The following MGMT variants were observed in gnomAD, a reference collection of about 807,000 sequenced individuals.
MGMT encodes O-6-methylguanine-DNA methyltransferase, also known as methylated-DNA--protein-cysteine methyltransferase.
Under a neutral mutation model 15.9 loss-of-function variants are expected in MGMT, and 14 were observed. That is an observed-to-expected ratio of 0.88 (90% CI 0.58 to 1.37). The LOEUF (loss-of-function observed/expected upper bound fraction) is 1.37, where lower values mean the gene tolerates loss of function less well. Ranked by LOEUF, MGMT falls within the 40% of genes most tolerant of loss-of-function variation. The pLI, the probability that MGMT is intolerant of heterozygous loss-of-function variation, is 0.00. For missense variants in MGMT, 282 were observed against 268.1 expected (o/e 1.05, Z -0.36); for synonymous variants, 130 against 118.2 (o/e 1.10, Z -0.65).
rs186122308 is a variant in MGMT at position 129,714,204 on chromosome 10, A to G, written c.274+6161A>G. On this transcript the variant is annotated intron_variant, in intron 3 of 4. Coordinates refer to ENST00000651593, the MANE Select transcript of MGMT (RefSeq NM_002412.5). ...GACTGCCTGGCCAGGCCAGCCCAGT[A>G]ACAGCGAAGCACACCACTCTCAGCT... 3.1e-3 allele frequency among the ~76,000 whole-genome samples: 473 copies of G among 152,294 alleles called. 1 individual carries two copies. The highest frequency in any genetic ancestry group is 5.1e-3 in the Non-Finnish European group (349 of 68,002).
intron 2 of MGMT, among the ~76,000 whole-genome samples, chr10:129,597,656 T>C (rs1369035185): frequency 1.3e-5 from 2 of 152,186 alleles, no homozygotes; most frequent in African/African-American, 4.8e-5. Context: ...ACAACAGCCA[T>C]GGGCTAGATC....
At chr10:129,661,541 T>A (rs560031698) in intron 2 of MGMT, among the ~76,000 whole-genome samples, 33 of 152,376 alleles carry the variant, frequency 2.2e-4, no homozygotes, top group African/African-American at 7.7e-4. Flanking sequence ...TTTTTTCTCC[T>A]TTGATTTACT....
intron 2 of MGMT, among the ~76,000 whole-genome samples, chr10:129,623,253 C>T (rs529471937): frequency 1.3e-5 from 2 of 152,266 alleles, no homozygotes; most frequent in South Asian, 4.1e-4. Flanking sequence ...TGTGAACAGA[C>T]AAGTTTGCCA....
intron 1 of MGMT, among the ~76,000 whole-genome samples, chr10:129,512,924 A>G (rs60483450): frequency 0.15 from 23,484 of 152,086 alleles, 2,517 homozygotes; most frequent in African/African-American, 0.3. Flanking sequence ...AATTGAAAGC[A>G]GGGTCTTGAG....
At chr10:129,500,759 C>T (rs980070002) in intron 1 of MGMT, among the ~76,000 whole-genome samples, 1 of 152,056 alleles carries the variant, frequency 6.6e-6, no homozygotes, top group Non-Finnish European at 1.5e-5. Flanking sequence ...CCATGTTGCC[C>T]AGACTGGTCT....
intron 2 of MGMT, among the ~76,000 whole-genome samples, chr10:129,618,762 C>G (rs1432473088): frequency 3.9e-5 from 2 of 51,202 alleles, no homozygotes; most frequent in Non-Finnish European, 6.2e-5. Context: ...TTTAAAAATG[C>G]TATATTTTTA....
rs575723250 is a variant in MGMT, at chr10:129,705,197, C to T, written c.126-2698C>T. On this transcript the variant is annotated intron_variant, in intron 2 of 4. Coordinates refer to ENST00000651593, the MANE Select transcript of MGMT (RefSeq NM_002412.5). ...CTGCTGTCTTCTGGGGAAATGGAAA[C>T]GCCACCATAGGCATTTACTCAGGCA... is the stretch of plus-strand genomic sequence containing the variant. Among the ~76,000 whole-genome samples the T allele has an allele frequency of 5.6e-4, 85 of 152,322 alleles. No individual in the cohort carries two copies. The East Asian group carries it at 9.3e-3, about 17-fold the overall frequency.
At chr10:129,495,093 C>G (rs1845507333) in intron 1 of MGMT, among the ~76,000 whole-genome samples, 1 of 152,238 alleles carries the variant, frequency 6.6e-6, no homozygotes, top group African/African-American at 2.4e-5. Context: ...CTTTCCTTGA[C>G]TCTGCAATGT....
chr10:129,543,340 C>T (rs771296372), intron 2 of MGMT, among the ~76,000 whole-genome samples: 5 of 152,168 alleles, frequency 3.3e-5, no homozygotes, highest in African/African-American at 7.2e-5. Context: ...ATGAGGTTTG[C>T]TGTGCTCCTC....
At chr10:129,765,962 G>A (rs1276385857) in intron 4 of MGMT, among the ~76,000 whole-genome samples, 5 of 152,186 alleles carry the variant, frequency 3.3e-5, no homozygotes, top group Non-Finnish European at 7.3e-5. Context: ...CTCGGGCAAC[G>A]CCAAAGGACC....
intron 2 of MGMT, among the ~76,000 whole-genome samples, chr10:129,665,003 GCC>G (rs1242052524): frequency 6.6e-6 from 1 of 152,154 alleles, no homozygotes; most frequent in Non-Finnish European, 1.5e-5. Flanking sequence ...CTGAATTACA[GCC>G]ACCAGGGTGA....
intron 2 of MGMT, among the ~76,000 whole-genome samples, chr10:129,656,508 C>T (rs1338914625): frequency 2.0e-5 from 3 of 152,178 alleles, no homozygotes; most frequent in Non-Finnish European, 4.4e-5. Context: ...GTTTATTTTG[C>T]CAAGATTAAG....
chr10:129,655,022 T>A (rs7916547), intron 2 of MGMT, among the ~76,000 whole-genome samples: 17 of 152,102 alleles, frequency 1.1e-4, no homozygotes, highest in African/African-American at 3.6e-4. Flanking sequence ...AGGAAACCAT[T>A]CAGGCTCGAT....
intron 4 of MGMT, among the ~76,000 whole-genome samples, chr10:129,761,416 A>G (rs1228449529): frequency 6.6e-6 from 1 of 152,244 alleles, no homozygotes; most frequent in Non-Finnish European, 1.5e-5. Context: ...TGACATGTGC[A>G]GCGTGGCAGC....
chr10:129,616,842 A>G (rs968706874), intron 2 of MGMT, among the ~76,000 whole-genome samples: 2 of 151,916 alleles, frequency 1.3e-5, no homozygotes, highest in African/African-American at 4.8e-5. Context: ...GGGGCCTGGG[A>G]GTGTGCTCTT....
chr10:129,476,972 C>T lies in MGMT; in HGVS notation c.-13+9676C>T, dbSNP rs914653708. On this transcript the variant is annotated intron_variant, in intron 1 of 4. Coordinates refer to ENST00000651593, the MANE Select transcript of MGMT (RefSeq NM_002412.5). ...GCCAGCCGCATGGTCCTCGCAGCCT[C>T]CCCGCCTGTGGACCCCTCTCTCAGG... Among the ~76,000 whole-genome samples, 18 of 152,136 alleles carry T rather than the reference C, an allele frequency of 1.2e-4. No individual in the cohort carries two copies. The East Asian group carries it at 1.7e-3, about 15-fold the overall frequency.
chr10:129,547,985 C>T (rs919624905), intron 2 of MGMT, among the ~76,000 whole-genome samples: 3 of 152,192 alleles, frequency 2.0e-5, no homozygotes, highest in Admixed American at 2.0e-4. Context: ...GGCACAAGGT[C>T]GCCAGGCAAG....
Position 129,476,247 on chromosome 10 carries a change from G to A in MGMT, c.-13+8951G>A, listed in dbSNP as rs1182091504. On this transcript the variant is annotated intron_variant, in intron 1 of 4. Coordinates refer to ENST00000651593, the MANE Select transcript of MGMT (RefSeq NM_002412.5). ...GAGCCTGGGTCACTTCCCTTTAGCT[G>A]GACATGGCCCCCGCTGTCCTTGTCA... Among the ~76,000 whole-genome samples, 3 of 152,176 alleles carry A rather than the reference G, an allele frequency of 2.0e-5. No homozygotes were observed. In the East Asian group the frequency reaches 5.8e-4, roughly 29 times the overall value.
chr10:129,672,382 G>A (rs1847734674), intron 2 of MGMT, among the ~76,000 whole-genome samples: 1 of 152,218 alleles, frequency 6.6e-6, no homozygotes, highest in African/African-American at 2.4e-5. Flanking sequence ...ATAGCTCAAT[G>A]TCTTTCAACA....
Sources: allele counts gnomAD v4.1 joint callset (sites outside exome capture counted in the v4.1 genomes callset), GRCh38; gene constraint gnomAD v4.1.1; transcripts MANE v1.5; gene names NCBI Gene and HGNC (gene_info 2026-07-23, HGNC 2026-07-21).